GAS7: variants seen among roughly 807,000 people sequenced by gnomAD.
GAS7 encodes the protein growth arrest-specific protein 7.
A neutral mutation model predicts 71.1 loss-of-function variants in GAS7; 28 were observed. The observed-to-expected ratio is 0.39, with a 90% CI of 0.29 to 0.54. The LOEUF (loss-of-function observed/expected upper bound fraction) is 0.54. GAS7 is among the 20% of genes least tolerant of loss of function. The probability of loss-of-function intolerance (pLI) is 0.62; values close to 1 mark genes in which losing one functional copy is unlikely to be tolerated. For missense variants in GAS7, 436 were observed against 627.8 expected (o/e 0.69, Z 3.27); for synonymous variants, 258 against 245.8 (o/e 1.05, Z -0.46).
intron 6 of GAS7, 51 bp from the exon 7 acceptor site, chr17:9,943,287 C>A (rs1217325190): frequency 9.2e-7 from 1 of 1,085,062 alleles, no homozygotes; most frequent in Admixed American, 1.7e-5. Flanking sequence ...GAGTCTGGAG[C>A]CAGGGAGAAT....
chr17:10,127,922 G>A (rs976677377), intron 1 of GAS7, among the ~76,000 whole-genome samples: 1 of 152,196 alleles, frequency 6.6e-6, no homozygotes, highest in African/African-American at 2.4e-5. Flanking sequence ...AGCTCTCAAC[G>A]GAGCACACAC....
intron 1 of GAS7, among the ~76,000 whole-genome samples, chr17:10,123,965 C>T (rs1217571719): frequency 6.6e-6 from 1 of 152,244 alleles, no homozygotes; most frequent in African/African-American, 2.4e-5. Flanking sequence ...AGCCAGGGCC[C>T]ACTCATGCCA....
chr17:9,926,908 G>A lies in GAS7; in HGVS notation c.886-139C>T. On this transcript the variant is annotated intron_variant, in intron 9 of 13. Coordinates refer to ENST00000432992, the MANE Select transcript of GAS7 (RefSeq NM_201433.2). The surrounding 1 kb of genome is among the most constrained non-coding windows in gnomAD (Gnocchi z 5.0). ...TGGGGTAGCGACCTGGCAGGAAGGT[G>A]AGAGACACCCCCTGACACGTGGCTG... is the stretch of plus-strand genomic sequence containing the variant. The A allele has an allele frequency of 1.2e-6, 1 of 841,464 alleles. No individual in the cohort carries two copies. The highest frequency in any genetic ancestry group is 2.0e-6 in the Non-Finnish European group (1 of 512,776). The allele number at this position is 841,464 out of a possible 1,614,324, so 52.1% of individuals were successfully genotyped here.
Position 10,021,824 on chromosome 17 carries a change from G to A in GAS7, c.184-1927C>T, listed in dbSNP as rs191724258. ...GCAAGACAAATAGGATTATAACAAC[G>A]TGCATGTGTGCGTGTGTGTGCGTGT... On this transcript the variant is annotated intron_variant, in intron 1 of 13. Coordinates refer to ENST00000432992, the MANE Select transcript of GAS7 (RefSeq NM_201433.2). Among the ~76,000 whole-genome samples, 12 of 152,332 alleles carry A rather than the reference G, an allele frequency of 7.9e-5. No individual in the cohort carries two copies. The East Asian group carries it at 1.3e-3, about 17-fold the overall frequency.
chr17:10,003,729 T>A (rs931056469), intron 2 of GAS7, among the ~76,000 whole-genome samples: 2 of 152,192 alleles, frequency 1.3e-5, no homozygotes, highest in Non-Finnish European at 2.9e-5. Context: ...TGTCCAAGGA[T>A]GACAAGACCC....
At chr17:10,154,239 C>T (rs1351481633) in intron 1 of GAS7, among the ~76,000 whole-genome samples, 2 of 152,070 alleles carry the variant, frequency 1.3e-5, no homozygotes, top group Non-Finnish European at 2.9e-5. Context: ...TGGCTCATGC[C>T]TGTAATCCAG....
intron 1 of GAS7, among the ~76,000 whole-genome samples, chr17:10,190,869 G>T (rs1806886582): frequency 6.6e-6 from 1 of 151,188 alleles, no homozygotes; most frequent in Admixed American, 6.6e-5. Flanking sequence ...AAACCCTCAT[G>T]TTTTAAGAAA....
chr17:10,146,615 C>T (rs2074122894), intron 1 of GAS7, among the ~76,000 whole-genome samples: 1 of 152,150 alleles, frequency 6.6e-6, no homozygotes, highest in South Asian at 2.1e-4. Context: ...GACTGTGATG[C>T]TCTCTCAGCT....
At chr17:10,165,251 C>T (rs2074285146) in intron 1 of GAS7, among the ~76,000 whole-genome samples, 1 of 142,172 alleles carries the variant, frequency 7.0e-6, no homozygotes, top group Admixed American at 7.1e-5. Context: ...GAAATCACAC[C>T]ACTGCACTCC....
At chr17:9,942,658 G>A (rs148139654) in intron 7 of GAS7, among the ~76,000 whole-genome samples, 85 of 152,224 alleles carry the variant, frequency 5.6e-4, no homozygotes, top group African/African-American at 2.0e-3. Context: ...CACTGGTTAC[G>A]GTAAAGGGCT....
chr17:10,193,284 C>T (rs1478428038), intron 1 of GAS7, among the ~76,000 whole-genome samples: 1 of 149,584 alleles, frequency 6.7e-6, no homozygotes, highest in East Asian at 2.0e-4. Context: ...AAAAACCCTC[C>T]AAGGATTGCG....
At chr17:9,992,724 A>G (rs1007769611) in intron 2 of GAS7, among the ~76,000 whole-genome samples, 9 of 151,674 alleles carry the variant, frequency 5.9e-5, no homozygotes, top group African/African-American at 2.2e-4. Flanking sequence ...ATCTAGCATT[A>G]GGTATATCTC....
chr17:10,035,084 C>G (rs1240691143), intron 1 of GAS7, among the ~76,000 whole-genome samples: 1 of 152,082 alleles, frequency 6.6e-6, no homozygotes, highest in Non-Finnish European at 1.5e-5. Context: ...ACCCCACACG[C>G]CCTCTTCCCA....
intron 1 of GAS7, among the ~76,000 whole-genome samples, chr17:10,047,947 A>G (rs2073003507): frequency 6.6e-6 from 1 of 152,238 alleles, no homozygotes; most frequent in South Asian, 2.1e-4. Flanking sequence ...TTAATAACCA[A>G]TTGCAATTAA....
chr17:10,012,599 A>T (rs1416174387), intron 2 of GAS7, among the ~76,000 whole-genome samples: 4 of 152,194 alleles, frequency 2.6e-5, no homozygotes, highest in African/African-American at 9.6e-5. Context: ...CCTTTCAATC[A>T]TAAATGGAGC....
At chr17:10,186,147 C>G (rs1013211660) in intron 1 of GAS7, among the ~76,000 whole-genome samples, 1 of 150,584 alleles carries the variant, frequency 6.6e-6, no homozygotes, top group Non-Finnish European at 1.5e-5. Context: ...TTAATAGAGA[C>G]GGGGTTTCAC....
At position 10,198,350 on chromosome 17, in the gene GAS7, C is replaced by G; in HGVS notation, c.41G>C (p.Gly14Ala). The G allele has an allele frequency of 6.3e-7, 1 of 1,598,400 alleles. No individual in the cohort carries two copies. The highest frequency in any genetic ancestry group is 8.5e-7 in the Non-Finnish European group (1 of 1,178,718). ...GCGCAGCCCCTGGCCGTGCCGCTCC[C>G]CGGAGAAGGGGTACAGGGTCCGGCA... ...ARCRTLYPFSGERHGQGLRFA... is the reference protein window; with the variant it reads ...ARCRTLYPFSAERHGQGLRFA... The change falls in exon 1 of 14, where the codon GGG becomes GCG. Residue 14 changes from glycine to alanine, a missense_variant. By Grantham distance (60) the Gly-to-Ala change is moderately conservative (BLOSUM62 0). Coordinates refer to ENST00000432992, the MANE Select transcript of GAS7 (RefSeq NM_201433.2).
Position 9,934,157 on chromosome 17 carries a change from A to G in GAS7, c.885+9T>C, listed in dbSNP as rs1053125104. ...AGACCAACTGAGGGTGGCTGCAGGG[A>G]GGGGTTACCTTGGCAGAGAACTTGA... On this transcript the variant is annotated intron_variant, in intron 9 of 13. Transcript: ENST00000432992. 27 of 1,589,068 alleles carry G rather than the reference A, an allele frequency of 1.7e-5. No individual in the cohort carries two copies. Among genetic ancestry groups the G allele is most frequent in the Non-Finnish European group, 2.3e-5 (27 of 1,157,258 alleles).
At position 9,981,792 on chromosome 17, in the gene GAS7, A is replaced by G. The variant is rs745786026; in HGVS notation, c.385+12T>C. The stretch of plus-strand genomic sequence containing the variant: ...CCCTCCCAGTTGCCCCAAAGCAGAC[A>G]GCGGACATTACCTGTTGGAGGCAGA... On this transcript the variant is annotated intron_variant, in intron 3 of 13. Transcript: ENST00000432992. The surrounding 1 kb of genome is among the most constrained non-coding windows in gnomAD (Gnocchi z 4.4). 1.6e-5 allele frequency: 24 copies of G among 1,498,400 alleles called. No individual in the cohort carries two copies. The highest frequency in any genetic ancestry group is 2.2e-5 in the Non-Finnish European group (24 of 1,074,438). The allele number at this position is 1,498,400 out of a possible 1,614,324, so 92.8% of individuals were successfully genotyped here. A position where few individuals can be genotyped will look rare whatever the true frequency, so the allele number is the denominator to read the frequency against.
Sources: allele counts gnomAD v4.1 joint callset (sites outside exome capture counted in the v4.1 genomes callset), GRCh38; gene constraint gnomAD v4.1.1; non-coding constraint Gnocchi (gnomAD v3.1); transcripts MANE v1.5; gene names NCBI Gene and HGNC (gene_info 2026-07-23, HGNC 2026-07-21).